Variants in CALD1 observed in about 807,000 individuals in gnomAD.
CALD1 encodes the protein caldesmon.
CALD1 carries 33 observed loss-of-function variants against 99.9 expected under a neutral mutation model. The ratio of observed to expected loss-of-function variants is 0.33; its 90% CI spans 0.25 to 0.44. CALD1 has a LOEUF of 0.44. Ranked by LOEUF, CALD1 falls within the 20% of genes least tolerant of loss-of-function variation. The pLI, the probability that CALD1 is intolerant of heterozygous loss-of-function variation, is 1.00. For synonymous variants in CALD1, 310 were observed against 325.0 expected, an observed-to-expected ratio of 0.95 and a Z score of 0.50; for missense variants, 861 against 962.1, an observed-to-expected ratio of 0.89 and a Z score of 1.39.
At chr7:134,806,397 C>T (rs1277240722) in intron 1 of CALD1, among the ~76,000 whole-genome samples, 1 of 152,178 alleles carries the variant, frequency 6.6e-6, no homozygotes, top group Non-Finnish European at 1.5e-5. Flanking sequence ...ACCTTTCTAG[C>T]TTGTGGCTTT....
Position 134,756,533 on chromosome 7 carries a change from A to ATAAC in CALD1, c.-130+12172_-130+12175dup, listed in dbSNP as rs201293759. ...CTATATTAAGTTTAATTCATAGTATATAACTTGATGTTATAATAAACTATG... is the reference window on the plus strand; with the variant it reads ...CTATATTAAGTTTAATTCATAGTATATAACTAACTTGATGTTATAATAAACTATG... On this transcript the variant is annotated intron_variant, in intron 1 of 13. Coordinates refer to the CALD1 transcript ENST00000417172. Among the ~76,000 whole-genome samples the ATAAC allele has an allele frequency of 9.0e-3, 1,367 of 152,168 alleles. 24 individuals carry two copies. The highest frequency in any genetic ancestry group is 0.032 in the African/African-American group (1,312 of 41,518).
chr7:134,857,192 A>G (rs1800343860), intron 2 of CALD1, among the ~76,000 whole-genome samples: 1 of 113,136 alleles, frequency 8.8e-6, no homozygotes, highest in Non-Finnish European at 1.7e-5. Context: ...TTTTGGAGAC[A>G]GAGTCTCGCT....
chr7:134,930,411 T>A (rs1232741512), intron 4 of CALD1, among the ~76,000 whole-genome samples: 2 of 152,322 alleles, frequency 1.3e-5, no homozygotes, highest in South Asian at 2.1e-4. Context: ...GGTTACACTA[T>A]ATAAGATCTC....
At chr7:134,852,667 C>T (rs979085536) in intron 2 of CALD1, among the ~76,000 whole-genome samples, 2 of 152,190 alleles carry the variant, frequency 1.3e-5, no homozygotes, top group Admixed American at 1.3e-4. Flanking sequence ...TCTTTGATCA[C>T]TTCTGCTGAC....
Position 134,960,098 on chromosome 7 carries a change from G to A in CALD1, c.2186G>A (p.Gly729Asp). The A allele has an allele frequency of 6.2e-7, 1 of 1,614,148 alleles. No homozygotes were observed. Among genetic ancestry groups the A allele is most frequent in the Non-Finnish European group, 8.5e-7 (1 of 1,179,990 alleles). The change falls in exon 12 of 15, where the codon GGC (glycine) becomes GAC (aspartate). Residue 729 changes from glycine (G) to aspartate (D), a missense_variant. Coordinates refer to ENST00000361675, the MANE Select transcript of CALD1 (RefSeq NM_033138.4). ...GTGTTTTCATCCCCCACTGCAGCAG[G>A]CACACCAAATAAGGTGAGCATCTGA... ...GNVFSSPTAA[G>D]TPNKETAGLK...
At chr7:134,849,076 T>C (rs1563042660) in intron 2 of CALD1, among the ~76,000 whole-genome samples, 2 of 152,244 alleles carry the variant, frequency 1.3e-5, no homozygotes, top group Non-Finnish European at 2.9e-5. Context: ...CAATGACGTG[T>C]TCAGTGACGT....
intron 2 of CALD1, among the ~76,000 whole-genome samples, chr7:134,847,211 T>C (rs1799888018): frequency 6.6e-6 from 1 of 152,088 alleles, no homozygotes; most frequent in Admixed American, 6.5e-5. Flanking sequence ...CCAGATGGAG[T>C]GGAAAGAGAA....
At position 134,848,579 on chromosome 7, in the gene CALD1, C is replaced by A. The variant is rs1021725249; in HGVS notation, c.-42+4608C>A. ...CTGAGTTTGGGGGAAAGCATTTCAC[C>A]ATATCCACAGGATGCAGACGAGAAT... On this transcript the variant is annotated intron_variant, in intron 2 of 14. Transcript: ENST00000361675. 2.0e-5 allele frequency among the ~76,000 whole-genome samples: 3 copies of A among 152,130 alleles called. No homozygotes were observed. In the East Asian group the frequency reaches 5.8e-4, roughly 29 times the overall value.
chr7:134,916,911 T>C (rs1250036579), intron 3 of CALD1, among the ~76,000 whole-genome samples: 2 of 152,238 alleles, frequency 1.3e-5, no homozygotes, highest in Non-Finnish European at 2.9e-5. Context: ...ATTTTTTACA[T>C]TTGAAGACGA....
At chr7:134,793,802 C>G (rs530444587) in intron 1 of CALD1, among the ~76,000 whole-genome samples, 1 of 151,784 alleles carries the variant, frequency 6.6e-6, no homozygotes, top group South Asian at 2.1e-4. Context: ...ATCAACCACT[C>G]CCTCCATTTA....
At chr7:134,944,163 T>C (rs1806673443) in intron 7 of CALD1, among the ~76,000 whole-genome samples, 1 of 152,152 alleles carries the variant, frequency 6.6e-6, no homozygotes, top group Non-Finnish European at 1.5e-5. Flanking sequence ...GAAAGAGCCT[T>C]TGACAGCAAG....
Position 134,970,594 on chromosome 7 carries a change from T to C in CALD1, c.*2249T>C, listed in dbSNP as rs1439437871. The C allele has an allele frequency of 6.6e-6, 1 of 152,636 alleles. No homozygotes were observed. Among genetic ancestry groups the C allele is most frequent in the Non-Finnish European group, 1.5e-5 (1 of 68,034 alleles). 9.5% of individuals were successfully genotyped at this position (152,636 alleles called of 1,614,324 possible). On this transcript the variant is annotated 3_prime_UTR_variant, in exon 15 of 15. Coordinates refer to ENST00000361675, the MANE Select transcript of CALD1 (RefSeq NM_033138.4). ...TGATAATGGATCGCTCCAATAAACA[T>C]ATATTGTGAAAATGCATCCACAATA... is the stretch of plus-strand genomic sequence containing the variant.
chr7:134,744,583 T>C (rs12538573), intron 1 of CALD1, among the ~76,000 whole-genome samples: 84,522 of 151,640 alleles, frequency 0.56, 24,854 homozygotes, highest in East Asian at 0.86. Flanking sequence ...ACATCACATA[T>C]GTAGATGTTA....
intron 3 of CALD1, among the ~76,000 whole-genome samples, chr7:134,918,681 G>A (rs1442826611): frequency 6.6e-6 from 1 of 152,192 alleles, no homozygotes; most frequent in African/African-American, 2.4e-5. Context: ...ACATGGTTGT[G>A]TGTCTGATTG....
At chr7:134,791,386 C>T (rs572005803) in intron 1 of CALD1, among the ~76,000 whole-genome samples, 7 of 152,178 alleles carry the variant, frequency 4.6e-5, no homozygotes, top group East Asian at 1.9e-4. Context: ...TTAGTAGAGA[C>T]GGGGTTTCAC....
intron 3 of CALD1, among the ~76,000 whole-genome samples, chr7:134,882,963 AGTG>A (rs1434970265): frequency 6.6e-6 from 1 of 152,176 alleles, no homozygotes; most frequent in East Asian, 1.9e-4. Context: ...ATGCTCCTTG[AGTG>A]GTACTATTTG....
chr7:134,718,933 G>T, the CALD1 span, among the ~76,000 whole-genome samples: 1 of 152,180 alleles, frequency 6.6e-6, no homozygotes, highest in Non-Finnish European at 1.5e-5. Flanking sequence ...CAAGTTGAAT[G>T]AAATAATTAC....
intron 1 of CALD1, among the ~76,000 whole-genome samples, chr7:134,786,111 CT>C (rs1306509368): frequency 1.3e-5 from 2 of 152,048 alleles, no homozygotes; most frequent in Admixed American, 1.3e-4. Flanking sequence ...ATGTTTTAGT[CT>C]TCATTAATGT....
chr7:134,745,874 T>A (rs1366502414), intron 1 of CALD1, among the ~76,000 whole-genome samples: 5 of 152,244 alleles, frequency 3.3e-5, no homozygotes, highest in Admixed American at 3.3e-4. Context: ...TTGCTGAGCA[T>A]CCCAGAGTTT....
Sources: allele counts gnomAD v4.1 joint callset (sites outside exome capture counted in the v4.1 genomes callset), GRCh38; gene constraint gnomAD v4.1.1; transcripts MANE v1.5; gene names NCBI Gene and HGNC (gene_info 2026-07-23, HGNC 2026-07-21).